Variants in RYR3 observed in about 807,000 individuals in gnomAD.
RYR3 encodes brain ryanodine receptor-calcium release channel.
Under a neutral mutation model 584.3 loss-of-function variants are expected in RYR3, and 207 were observed. The ratio of observed to expected loss-of-function variants is 0.35; its 90% confidence interval spans 0.32 to 0.40. RYR3 has a LOEUF of 0.40. RYR3 is among the 10% of genes least tolerant of loss of function. The pLI is 1.00. For synonymous variants in RYR3, 2,416 were observed against 2,248.5 expected, an observed-to-expected ratio of 1.07 and a Z score of -2.11; for missense variants, 5,616 against 6,089.2, an observed-to-expected ratio of 0.92 and a Z score of 2.59.
intron 1 of RYR3, among the ~76,000 whole-genome samples, chr15:33,449,599 T>G (rs955954731): frequency 2.6e-5 from 4 of 152,226 alleles, no homozygotes; most frequent in African/African-American, 4.8e-5. Context: ...TTATTAGTAA[T>G]GTATTTTAAA....
intron 40 of RYR3, among the ~76,000 whole-genome samples, chr15:33,698,458 A>G (rs1189437381): frequency 6.6e-6 from 1 of 152,196 alleles, no homozygotes; most frequent in African/African-American, 2.4e-5. Flanking sequence ...CAGCTCCCTC[A>G]TAAGGAGCCC....
chr15:33,789,986 CTTTTTTT>C (rs757370991), intron 67 of RYR3, among the ~76,000 whole-genome samples: 2 of 53,256 alleles, frequency 3.8e-5, no homozygotes, highest in Non-Finnish European at 6.3e-5. Context: ...GCCTGGCCTT[CTTTTTTT>C]TTTTTTTTTT....
chr15:33,375,695 C>G (rs2040673386), intron 1 of RYR3, among the ~76,000 whole-genome samples: 1 of 152,176 alleles, frequency 6.6e-6, no homozygotes, highest in Admixed American at 6.5e-5. Flanking sequence ...CAGTAAAATG[C>G]ACAGATCTCA....
intron 1 of RYR3, among the ~76,000 whole-genome samples, chr15:33,445,021 G>A (rs865859046): frequency 6.6e-6 from 1 of 152,196 alleles, no homozygotes; most frequent in Non-Finnish European, 1.5e-5. Context: ...ACTATAAGGT[G>A]TTTGGATTTA....
intron 1 of RYR3, among the ~76,000 whole-genome samples, chr15:33,449,857 A>G (rs2046963753): frequency 1.3e-5 from 2 of 152,084 alleles, no homozygotes; most frequent in Admixed American, 1.3e-4. Flanking sequence ...GGGAAGCATA[A>G]AGATCCCCCA....
At chr15:33,475,466 G>A (rs911066227) in intron 2 of RYR3, among the ~76,000 whole-genome samples, 5 of 152,098 alleles carry the variant, frequency 3.3e-5, no homozygotes, top group Admixed American at 2.6e-4. Context: ...GATCCCTCAC[G>A]TGCACAGCTC....
At chr15:33,809,402 C>T (rs1360474831) in intron 70 of RYR3, among the ~76,000 whole-genome samples, 1 of 152,180 alleles carries the variant, frequency 6.6e-6, no homozygotes, top group African/African-American at 2.4e-5. Context: ...CAGCAAGTGC[C>T]CACTGAGGCC....
chr15:33,400,411 C>T (rs550602744), intron 1 of RYR3, among the ~76,000 whole-genome samples: 4 of 152,298 alleles, frequency 2.6e-5, no homozygotes, highest in East Asian at 3.9e-4. Flanking sequence ...TGTAACTTTT[C>T]CTTTAAAGCC....
chr15:33,494,958 G>A (rs1348677677), intron 2 of RYR3, among the ~76,000 whole-genome samples: 1 of 151,962 alleles, frequency 6.6e-6, no homozygotes, highest in Non-Finnish European at 1.5e-5. Flanking sequence ...TCACACATGT[G>A]GTCCATAATT....
intron 23 of RYR3, among the ~76,000 whole-genome samples, chr15:33,632,106 C>T (rs1227291886): frequency 6.6e-6 from 1 of 152,214 alleles, no homozygotes; most frequent in African/African-American, 2.4e-5. Context: ...AAGGTGGATG[C>T]AGAACTTTAT....
chr15:33,663,432 G>A (rs1392947200), intron 35 of RYR3, 105 bp from the exon 36 acceptor site: 3 of 940,732 alleles, frequency 3.2e-6, no homozygotes, highest in African/African-American at 1.6e-5. Context: ...CTACTGTGTG[G>A]CAATTTACTT....
intron 38 of RYR3, among the ~76,000 whole-genome samples, chr15:33,674,912 GA>G (rs10580400): frequency 0.097 from 13,329 of 137,238 alleles, 763 homozygotes; most frequent in African/African-American, 0.18. Context: ...GGTCAGAATG[GA>G]AAAAAAAAAA....
Position 33,646,408 on chromosome 15 carries a change from A to G in RYR3, c.3823A>G (p.Thr1275Ala). 6.2e-7 allele frequency: 1 copy of G among 1,613,866 alleles called. No individual in the cohort carries two copies. Among genetic ancestry groups the G allele is most frequent in the South Asian group, 1.1e-5 (1 of 91,052 alleles). The change falls in exon 29 of 104, where the codon ACA becomes GCA. Residue 1275 changes from threonine (T) to alanine (A), a missense_variant. Thr to Ala is a moderately conservative substitution (Grantham distance 58, BLOSUM62 0). Transcript: ENST00000634891. ...SPPCLKVTHK[T>A]FGTQNSNADM... ...TCCGTGTCTCAAGGTGACGCATAAG[A>G]CATTTGGCACACAGAATAGCAATGC...
intron 1 of RYR3, among the ~76,000 whole-genome samples, chr15:33,358,655 T>TA (rs35316835): frequency 0.46 from 62,037 of 135,668 alleles, 14,422 homozygotes; most frequent in Admixed American, 0.53. Flanking sequence ...GTGGTATCGT[T>TA]AAAAAAAAAA....
chr15:33,852,503 A>G (rs919963756), intron 94 of RYR3: 2 of 155,676 alleles, frequency 1.3e-5, no homozygotes, highest in Admixed American at 1.2e-4. Context: ...GTGGGAATAG[A>G]AAATAGAGTG....
chr15:33,857,078 T>G (rs1218037651), intron 98 of RYR3, among the ~76,000 whole-genome samples: 1 of 152,164 alleles, frequency 6.6e-6, no homozygotes, highest in Non-Finnish European at 1.5e-5. Flanking sequence ...ACCTGCACTA[T>G]TCAATACTTA....
At chr15:33,716,051 G>A (rs187642600) in intron 43 of RYR3, among the ~76,000 whole-genome samples, 1 of 152,226 alleles carries the variant, frequency 6.6e-6, no homozygotes, top group East Asian at 1.9e-4. Context: ...CATAAGCTCT[G>A]GTTGCTTAAG....
chr15:33,584,345 C>A, intron 14 of RYR3, 50 bp from the exon 15 acceptor site: 2 of 974,804 alleles, frequency 2.1e-6, no homozygotes, highest in East Asian at 2.5e-5. Flanking sequence ...GTTCTCACGC[C>A]CATCATTATA....
intron 74 of RYR3, 34 bp from the exon 75 acceptor site, chr15:33,816,828 C>A (rs774723061): frequency 7.2e-7 from 1 of 1,380,872 alleles, no homozygotes; most frequent in East Asian, 2.3e-5. Flanking sequence ...TTCCATGGAT[C>A]CCTCTTGACC....
Sources: allele counts gnomAD v4.1 joint callset (sites outside exome capture counted in the v4.1 genomes callset), GRCh38; gene constraint gnomAD v4.1.1; transcripts MANE v1.5; gene names NCBI Gene and HGNC (gene_info 2026-07-23, HGNC 2026-07-21).